The following MRPL1 variants were observed in gnomAD, a reference collection of about 807,000 sequenced individuals.
MRPL1 encodes the protein mitochondrial ribosomal protein L1.
Under a neutral mutation model 38.0 loss-of-function variants are expected in MRPL1, and 28 were observed. That is an observed-to-expected ratio of 0.74 (90% CI 0.55 to 1.01). The LOEUF (loss-of-function observed/expected upper bound fraction) is 1.01. MRPL1 is among the 50% of genes least tolerant of loss of function. MRPL1 has a pLI of 0.00. For missense variants in MRPL1, 358 were observed against 389.8 expected, an observed-to-expected ratio of 0.92 and a Z score of 0.69; for synonymous variants, 123 against 126.7, an observed-to-expected ratio of 0.97 and a Z score of 0.20.
chr4:77,886,105 TA>T (rs1255285763), intron 4 of MRPL1, among the ~76,000 whole-genome samples: 1 of 152,186 alleles, frequency 6.6e-6, no homozygotes, highest in Non-Finnish European at 1.5e-5. Context: ...GATTTTTTTT[TA>T]ATCATCCACA....
At chr4:77,899,411 G>T (rs1735986690) in intron 6 of MRPL1, among the ~76,000 whole-genome samples, 1 of 151,964 alleles carries the variant, frequency 6.6e-6, no homozygotes, top group Non-Finnish European at 1.5e-5. Context: ...AGTTTTTTAT[G>T]TGTTTTATGT....
intron 6 of MRPL1, 50 bp downstream of exon 6, chr4:77,894,300 A>G (rs777347513): frequency 2.5e-6 from 3 of 1,185,962 alleles, no homozygotes; most frequent in Non-Finnish European, 3.7e-6. Context: ...TTTCTTGTGA[A>G]CTTTGCTTAG....
intron 7 of MRPL1, among the ~76,000 whole-genome samples, chr4:77,919,531 T>C (rs1239609562): frequency 2.0e-5 from 3 of 152,140 alleles, no homozygotes; most frequent in African/African-American, 7.2e-5. Flanking sequence ...AGAAAAGTGA[T>C]AGCATTGTAG....
intron 7 of MRPL1, among the ~76,000 whole-genome samples, chr4:77,919,134 G>T (rs1041845236): frequency 5.9e-5 from 9 of 152,136 alleles, no homozygotes; most frequent in Non-Finnish European, 1.2e-4. Context: ...GCATTAACCT[G>T]TCAGAATAGA....
At chr4:77,888,860 C>G (rs1443247931) in intron 5 of MRPL1, among the ~76,000 whole-genome samples, 1 of 152,100 alleles carries the variant, frequency 6.6e-6, no homozygotes. Flanking sequence ...TATCCCTCCC[C>G]CGTCCCCTAC....
chr4:77,868,441 C>T (rs1047474165), intron 1 of MRPL1, among the ~76,000 whole-genome samples: 1 of 151,996 alleles, frequency 6.6e-6, no homozygotes, highest in Non-Finnish European at 1.5e-5. Context: ...CGGGGTTTTA[C>T]CATGTTGGCC....
chr4:77,929,550 G>T (rs1222427460), intron 7 of MRPL1, among the ~76,000 whole-genome samples: 1 of 152,060 alleles, frequency 6.6e-6, no homozygotes, highest in Non-Finnish European at 1.5e-5. Context: ...GATAAAAGCT[G>T]CTTTTGCCTC....
At chr4:77,901,869 A>G (rs1396943674) in intron 6 of MRPL1, among the ~76,000 whole-genome samples, 3 of 152,228 alleles carry the variant, frequency 2.0e-5, no homozygotes, top group Non-Finnish European at 2.9e-5. Context: ...GCTGATGTCT[A>G]TAAAACACCC....
At chr4:77,889,656 A>G (rs1338741332) in intron 5 of MRPL1, among the ~76,000 whole-genome samples, 1 of 152,218 alleles carries the variant, frequency 6.6e-6, no homozygotes, top group Admixed American at 6.5e-5. Flanking sequence ...GGAGATAGAG[A>G]TACAAAAAAC....
intron 2 of MRPL1, among the ~76,000 whole-genome samples, chr4:77,877,284 C>T (rs1578039312): frequency 6.6e-6 from 1 of 152,136 alleles, no homozygotes; most frequent in East Asian, 1.9e-4. Flanking sequence ...ATATTTACGC[C>T]TGCAAACAGG....
At chr4:77,898,988 GATTTTT>G (rs1560465420) in intron 6 of MRPL1, among the ~76,000 whole-genome samples, 1 of 140,572 alleles carries the variant, frequency 7.1e-6, no homozygotes. Context: ...CTTATGCACA[GATTTTT>G]TTTTTTTTTT....
rs79635890 is a variant in MRPL1 at position 77,932,563 on chromosome 4, G to A, written c.778-17234G>A. ...TTTCCAACATCCTCTTTGTGAAGGA[G>A]GGTTTTCCACAGTGACAGCAACCAA... On this transcript the variant is annotated intron_variant, in intron 7 of 8. Coordinates refer to ENST00000315567, the MANE Select transcript of MRPL1 (RefSeq NM_020236.4). 7.0e-3 allele frequency among the ~76,000 whole-genome samples: 1,065 copies of A among 152,098 alleles called. 17 individuals carry two copies. Among genetic ancestry groups the A allele is most frequent in the African/African-American group, 0.024 (1,013 of 41,482 alleles).
chr4:77,902,874 C>T (rs190580903), intron 6 of MRPL1, among the ~76,000 whole-genome samples: 1 of 152,252 alleles, frequency 6.6e-6, no homozygotes, highest in African/African-American at 2.4e-5. Context: ...TAAGTTCTCC[C>T]ATGAAAAGTC....
At chr4:77,948,630 C>T (rs919734681) in intron 7 of MRPL1, among the ~76,000 whole-genome samples, 1 of 152,146 alleles carries the variant, frequency 6.6e-6, no homozygotes, top group African/African-American at 2.4e-5. Context: ...GAGGAATTCT[C>T]TTTATGCTTA....
intron 3 of MRPL1, 76 bp from the exon 4 acceptor site, chr4:77,885,180 G>T: frequency 9.1e-7 from 1 of 1,097,038 alleles, no homozygotes. Context: ...AAACATGTCC[G>T]TTCTTGTTTT....
At chr4:77,906,059 A>T (rs1304410362) in intron 6 of MRPL1, among the ~76,000 whole-genome samples, 1 of 152,232 alleles carries the variant, frequency 6.6e-6, no homozygotes, top group African/African-American at 2.4e-5. Flanking sequence ...GCATGAGATC[A>T]GTCAGGGAGG....
chr4:77,889,456 A>T (rs577381139), intron 5 of MRPL1, among the ~76,000 whole-genome samples: 8 of 152,250 alleles, frequency 5.3e-5, no homozygotes, highest in Non-Finnish European at 1.2e-4. Context: ...ACAACATACC[A>T]GAATCTCTGG....
At chr4:77,895,893 T>A (rs984278683) in intron 6 of MRPL1, among the ~76,000 whole-genome samples, 1 of 152,156 alleles carries the variant, frequency 6.6e-6, no homozygotes, top group Non-Finnish European at 1.5e-5. Flanking sequence ...ACTGAACATA[T>A]TTTAAAAATT....
At chr4:77,938,860 A>G (rs1737053160) in intron 7 of MRPL1, among the ~76,000 whole-genome samples, 2 of 152,158 alleles carry the variant, frequency 1.3e-5, no homozygotes, top group South Asian at 2.1e-4. Flanking sequence ...TAGGCATTTG[A>G]GTTCGTAACC....
Sources: allele counts gnomAD v4.1 joint callset (sites outside exome capture counted in the v4.1 genomes callset), GRCh38; gene constraint gnomAD v4.1.1; transcripts MANE v1.5; gene names NCBI Gene and HGNC (gene_info 2026-07-23, HGNC 2026-07-21).